KCNQ5: variants seen among roughly 807,000 people sequenced by gnomAD.
The protein encoded by KCNQ5 is potassium voltage-gated channel subfamily KQT member 5.
KCNQ5 carries 30 observed loss-of-function variants against 98.2 expected under a neutral mutation model. The ratio of observed to expected loss-of-function variants is 0.31; its 90% CI spans 0.23 to 0.41. KCNQ5 has a LOEUF of 0.41. Ranked by LOEUF, KCNQ5 falls within the 10% of genes least tolerant of loss-of-function variation. The pLI is 1.00. For synonymous variants in KCNQ5, 458 were observed against 449.4 expected (o/e 1.02, Z -0.24); for missense variants, 835 against 1,182.5 (o/e 0.71, Z 4.31).
intron 1 of KCNQ5, among the ~76,000 whole-genome samples, chr6:72,739,073 A>G (rs182385257): frequency 1.3e-5 from 2 of 152,294 alleles, no homozygotes; most frequent in East Asian, 3.9e-4. Context: ...GGGTCAGTGT[A>G]GGTTCGTTGA....
chr6:72,842,014 ATC>A (rs1246181466), intron 1 of KCNQ5, among the ~76,000 whole-genome samples: 1 of 152,212 alleles, frequency 6.6e-6, no homozygotes, highest in African/African-American at 2.4e-5. Flanking sequence ...AGTAACTTTA[ATC>A]AAAACTAACT....
chr6:72,853,087 C>A (rs916241040), intron 1 of KCNQ5, among the ~76,000 whole-genome samples: 1 of 152,120 alleles, frequency 6.6e-6, no homozygotes, highest in Non-Finnish European at 1.5e-5. Context: ...TTTATCCTAG[C>A]AAAATTCTTA....
chr6:72,749,577 A>G (rs1419229029), intron 1 of KCNQ5, among the ~76,000 whole-genome samples: 2 of 152,100 alleles, frequency 1.3e-5, no homozygotes, highest in Non-Finnish European at 2.9e-5. Context: ...ACTTCATTAC[A>G]TTTTATCTCT....
chr6:73,071,624 A>G (rs1773303315), intron 3 of KCNQ5, among the ~76,000 whole-genome samples: 1 of 152,180 alleles, frequency 6.6e-6, no homozygotes. Context: ...AGTGGGGCCA[A>G]CATGTGCTGA....
intron 1 of KCNQ5, among the ~76,000 whole-genome samples, chr6:72,745,074 A>G (rs905938874): frequency 1.3e-5 from 2 of 152,282 alleles, no homozygotes; most frequent in Admixed American, 6.5e-5. Context: ...GACTACATTT[A>G]TGTTATTTTT....
At chr6:72,917,437 C>G (rs956698638) in intron 1 of KCNQ5, among the ~76,000 whole-genome samples, 1 of 150,068 alleles carries the variant, frequency 6.7e-6, no homozygotes, top group Admixed American at 6.6e-5. Context: ...AGCCCCCCCA[C>G]CATTTTTTTA....
At chr6:72,811,587 A>G (rs949261910) in intron 1 of KCNQ5, among the ~76,000 whole-genome samples, 1 of 152,216 alleles carries the variant, frequency 6.6e-6, no homozygotes, top group Admixed American at 6.5e-5. Flanking sequence ...TGAATCTTCT[A>G]TACTCCTATA....
intron 1 of KCNQ5, among the ~76,000 whole-genome samples, chr6:72,917,021 C>A (rs2150211992): frequency 6.6e-6 from 1 of 152,222 alleles, no homozygotes; most frequent in Non-Finnish European, 1.5e-5. Flanking sequence ...TATTCCCTGG[C>A]CATGGAGGAA....
At position 72,622,890 on chromosome 6, in the gene KCNQ5, A is replaced by G. The variant is rs1325796538; in HGVS notation, c.398+303A>G. Among the ~76,000 whole-genome samples the G allele has an allele frequency of 6.6e-6, 1 of 152,054 alleles. No homozygotes were observed. The highest frequency in any genetic ancestry group is 2.4e-5 in the African/African-American group (1 of 41,436). On this transcript the variant is annotated intron_variant, in intron 1 of 13. Coordinates refer to ENST00000370398, the MANE Select transcript of KCNQ5 (RefSeq NM_019842.4). The surrounding 1 kb of genome is among the most constrained non-coding windows in gnomAD (Gnocchi z 6.0). The stretch of plus-strand genomic sequence containing the variant: ...TAGGCTGCGCGGATAATTGGGAGCA[A>G]TTAGGTCCCAAGATACGTAAACTTC...
intron 1 of KCNQ5, among the ~76,000 whole-genome samples, chr6:72,857,143 T>C (rs570487440): frequency 6.6e-6 from 1 of 152,330 alleles, no homozygotes; most frequent in Non-Finnish European, 1.5e-5. Context: ...AACAGAAAGA[T>C]ATATGACTAG....
intron 1 of KCNQ5, among the ~76,000 whole-genome samples, chr6:72,801,062 G>A (rs1561992346): frequency 6.6e-6 from 1 of 152,052 alleles, no homozygotes; most frequent in Non-Finnish European, 1.5e-5. Flanking sequence ...GGTCAATTTT[G>A]GGATAGGTGT....
chr6:72,779,002 G>A (rs1773311345), intron 1 of KCNQ5, among the ~76,000 whole-genome samples: 1 of 152,218 alleles, frequency 6.6e-6, no homozygotes, highest in Non-Finnish European at 1.5e-5. Context: ...TTTAGTTGCA[G>A]TAAGGTGGAT....
intron 5 of KCNQ5, among the ~76,000 whole-genome samples, chr6:73,081,893 G>A (rs1461895067): frequency 6.6e-6 from 1 of 152,042 alleles, no homozygotes; most frequent in Non-Finnish European, 1.5e-5. Context: ...TTATTTCTGA[G>A]GAAGAATTCC....
intron 1 of KCNQ5, among the ~76,000 whole-genome samples, chr6:72,638,011 C>T (rs76421591): frequency 0.013 from 2,034 of 152,286 alleles, 31 homozygotes; most frequent in African/African-American, 0.042. Context: ...TCTTCCCAAA[C>T]GAAGCAGCTA....
At chr6:72,982,487 C>CTTTTTTTTTTTTTTTTTTTTTTT (rs141947372) in intron 1 of KCNQ5, among the ~76,000 whole-genome samples, 1 of 60,260 alleles carries the variant, frequency 1.7e-5, no homozygotes, top group African/African-American at 7.3e-5. Flanking sequence ...GCAACCCCTG[C>CTTTTTTTTTTTTTTTTTTTTTTT]TTTTTTTTTT....
chr6:73,020,130 T>G (rs1770528475), intron 2 of KCNQ5, among the ~76,000 whole-genome samples: 1 of 152,030 alleles, frequency 6.6e-6, no homozygotes. Context: ...CTAATTCAAT[T>G]CAGTTCTGAT....
intron 10 of KCNQ5, 126 bp downstream of exon 10, chr6:73,133,767 T>C: frequency 2.2e-6 from 2 of 910,422 alleles, no homozygotes; most frequent in Non-Finnish European, 1.7e-6. Flanking sequence ...AAGAATTGTT[T>C]GTTTGTTTTA....
rs991809254 is a variant in KCNQ5, at chr6:73,072,019, CA to C, written c.617-5296del. Reference sequence around the variant, plus strand: ...ACTAGAATAATTCAAAAAACTGGAACAAAAAAATGTGGTGGGAGAGGGGGAT... The same window carrying C: ...ACTAGAATAATTCAAAAAACTGGAACAAAAAATGTGGTGGGAGAGGGGGAT... On this transcript the variant is annotated intron_variant, in intron 3 of 13. Coordinates refer to ENST00000370398, the MANE Select transcript of KCNQ5 (RefSeq NM_019842.4). Among the ~76,000 whole-genome samples the C allele has an allele frequency of 3.2e-3, 492 of 151,922 alleles. 2 individuals are homozygous for C. The highest frequency in any genetic ancestry group is 0.011 in the African/African-American group (464 of 41,452).
Position 72,941,944 on chromosome 6 carries a change from A to T in KCNQ5, c.399-61964A>T, listed in dbSNP as rs150186352. ...TAGATAAGTGTTCTGAGCAAACACAATGTTGTTTTGTAAGGGCATATGTCT... is the reference window on the plus strand; with the variant it reads ...TAGATAAGTGTTCTGAGCAAACACATTGTTGTTTTGTAAGGGCATATGTCT... On this transcript the variant is annotated intron_variant, in intron 1 of 13. Coordinates refer to ENST00000370398, the MANE Select transcript of KCNQ5 (RefSeq NM_019842.4). 9.2e-4 allele frequency among the ~76,000 whole-genome samples: 140 copies of T among 152,204 alleles called. 1 individual carries two copies. In the South Asian group the frequency reaches 0.014, roughly 16 times the overall value.
Sources: allele counts gnomAD v4.1 joint callset (sites outside exome capture counted in the v4.1 genomes callset), GRCh38; gene constraint gnomAD v4.1.1; non-coding constraint Gnocchi (gnomAD v3.1); transcripts MANE v1.5; gene names NCBI Gene and HGNC (gene_info 2026-07-23, HGNC 2026-07-21).